Variants in GRM7 observed in about 807,000 individuals in gnomAD.
GRM7 encodes the protein glutamate metabotropic receptor 7.
In GRM7, 35 loss-of-function variants were observed where a neutral mutation model predicts 84.5. That is an observed-to-expected ratio of 0.41 (90% CI 0.32 to 0.55). GRM7 has a LOEUF of 0.55. Ranked by LOEUF, GRM7 falls within the 20% of genes least tolerant of loss-of-function variation. GRM7 has a pLI of 0.19. For synonymous variants in GRM7, 487 were observed against 455.1 expected (o/e 1.07, Z -0.89); for missense variants, 1,003 against 1,194.6 (o/e 0.84, Z 2.36).
intron 7 of GRM7, among the ~76,000 whole-genome samples, chr3:7,499,424 G>A (rs887971347): frequency 2.0e-5 from 3 of 152,102 alleles, no homozygotes; most frequent in African/African-American, 7.2e-5. Context: ...ACCATCAAAC[G>A]CTGTAATCTA....
intron 7 of GRM7, among the ~76,000 whole-genome samples, chr3:7,549,636 C>G (rs1693345441): frequency 6.6e-6 from 1 of 152,138 alleles, no homozygotes; most frequent in African/African-American, 2.4e-5. Context: ...CTCCCCGTAT[C>G]TTTTTCAAAA....
intron 4 of GRM7, among the ~76,000 whole-genome samples, chr3:7,320,635 A>C (rs1321318621): frequency 6.7e-6 from 1 of 149,726 alleles, no homozygotes; most frequent in African/African-American, 2.5e-5. Flanking sequence ...ATGACAAGGT[A>C]CCATATTTTG....
chr3:7,441,349 C>G (rs1442617391), intron 5 of GRM7, among the ~76,000 whole-genome samples: 1 of 151,908 alleles, frequency 6.6e-6, no homozygotes, highest in African/African-American at 2.4e-5. Context: ...TTGGTTTTTG[C>G]TTGTTAATTT....
rs1699450424 is a variant in GRM7 at position 7,661,654 on chromosome 3, C to T, written c.2452-18395C>T. Among the ~76,000 whole-genome samples, 3 of 151,660 alleles carry T rather than the reference C, an allele frequency of 2.0e-5. No homozygotes were observed. In the East Asian group the frequency reaches 5.8e-4, roughly 30 times the overall value. ...CTAAAAATACAAAAAATTAGCCGGGCGTCGTGGCGGGCGCCTGTGGTCCCA... is the reference window on the plus strand; with the variant it reads ...CTAAAAATACAAAAAATTAGCCGGGTGTCGTGGCGGGCGCCTGTGGTCCCA... On this transcript the variant is annotated intron_variant, in intron 8 of 9. Coordinates refer to ENST00000357716, the MANE Select transcript of GRM7 (RefSeq NM_000844.4).
At chr3:7,321,031 G>A (rs1327156586) in intron 4 of GRM7, among the ~76,000 whole-genome samples, 15 of 151,708 alleles carry the variant, frequency 9.9e-5, no homozygotes, top group Admixed American at 9.2e-4. Flanking sequence ...GTATCCTAGT[G>A]CTTTTTTCCA....
At chr3:7,539,038 G>C (rs1448628398) in intron 7 of GRM7, among the ~76,000 whole-genome samples, 1 of 152,082 alleles carries the variant, frequency 6.6e-6, no homozygotes, top group Admixed American at 6.5e-5. Context: ...TGCAAAATTT[G>C]GTTCCTCTTC....
intron 6 of GRM7, 95 bp from the exon 7 acceptor site, chr3:7,461,488 C>A: frequency 2.9e-6 from 3 of 1,031,282 alleles, no homozygotes; most frequent in Non-Finnish European, 4.4e-6. Flanking sequence ...AACTACCTTT[C>A]TCCTCGTTAA....
chr3:7,550,565 CTCTCTCTCTCTCTGTGTG>C (rs1215200583), intron 7 of GRM7, among the ~76,000 whole-genome samples: 10 of 96,538 alleles, frequency 1.0e-4, no homozygotes, highest in Non-Finnish European at 2.1e-4. Flanking sequence ...CTCTCTCTCT[CTCTCTCTCTCTCTGTGTG>C]TGTGTGTGTG....
chr3:7,064,481 C>CATATAT (rs1697564963), intron 1 of GRM7, among the ~76,000 whole-genome samples: 3 of 56,300 alleles, frequency 5.3e-5, no homozygotes, highest in Non-Finnish European at 6.8e-5. Context: ...TATATATATA[C>CATATAT]ACACATATAC....
At chr3:7,207,521 C>T (rs892871394) in intron 2 of GRM7, among the ~76,000 whole-genome samples, 3 of 152,150 alleles carry the variant, frequency 2.0e-5, no homozygotes, top group African/African-American at 7.2e-5. Context: ...TCAACAGAAA[C>T]CCGAATAGCA....
chr3:6,940,114 A>G (rs1486722184), intron 1 of GRM7, among the ~76,000 whole-genome samples: 1 of 152,120 alleles, frequency 6.6e-6, no homozygotes, highest in African/African-American at 2.4e-5. Context: ...TTACTTTGAG[A>G]TGGAGTCTCC....
intron 4 of GRM7, among the ~76,000 whole-genome samples, chr3:7,400,168 C>A (rs1056005002): frequency 6.6e-6 from 1 of 152,118 alleles, no homozygotes; most frequent in Non-Finnish European, 1.5e-5. Flanking sequence ...ATCTGGTGAA[C>A]CTGAGACAGG....
intron 2 of GRM7, among the ~76,000 whole-genome samples, chr3:7,176,326 G>A (rs538232330): frequency 6.9e-6 from 1 of 145,262 alleles, no homozygotes; most frequent in Non-Finnish European, 1.5e-5. Flanking sequence ...TGGGAGGATT[G>A]ATTGAGCCTG....
intron 1 of GRM7, among the ~76,000 whole-genome samples, chr3:7,047,292 A>G (rs559565361): frequency 6.6e-6 from 1 of 152,194 alleles, no homozygotes; most frequent in South Asian, 2.1e-4. Context: ...TTTTACAGAA[A>G]AAGTTTGTCA....
intron 8 of GRM7, among the ~76,000 whole-genome samples, chr3:7,585,849 A>G (rs1413669259): frequency 1.3e-5 from 2 of 152,140 alleles, no homozygotes; most frequent in Non-Finnish European, 2.9e-5. Flanking sequence ...ACCATAACAG[A>G]GCGTGGTGTG....
chr3:7,725,716 A>C (rs986619338), intron 9 of GRM7, among the ~76,000 whole-genome samples: 5 of 152,232 alleles, frequency 3.3e-5, no homozygotes, highest in African/African-American at 1.2e-4. Context: ...GTTCCAGTGC[A>C]TTGAGAGATG....
chr3:7,091,586 C>A (rs918614723), intron 1 of GRM7, among the ~76,000 whole-genome samples: 1 of 151,654 alleles, frequency 6.6e-6, no homozygotes, highest in Admixed American at 6.6e-5. Context: ...GTCCCATTAT[C>A]TCATTAAATC....
chr3:7,044,780 A>G (rs1696742987), intron 1 of GRM7, among the ~76,000 whole-genome samples: 1 of 152,108 alleles, frequency 6.6e-6, no homozygotes, highest in Admixed American at 6.6e-5. Context: ...TTTCAGTAGT[A>G]AGTTCCAAAT....
chr3:7,152,917 T>G (rs1694329421), intron 2 of GRM7, among the ~76,000 whole-genome samples: 1 of 152,156 alleles, frequency 6.6e-6, no homozygotes. Context: ...TCTTGGCTAA[T>G]CAGACATACC....
Sources: allele counts gnomAD v4.1 joint callset (sites outside exome capture counted in the v4.1 genomes callset), GRCh38; gene constraint gnomAD v4.1.1; transcripts MANE v1.5; gene names NCBI Gene and HGNC (gene_info 2026-07-23, HGNC 2026-07-21).